Variants in SOX5 observed in about 807,000 individuals in gnomAD.
SOX5 encodes SRY-box transcription factor 5, also known as transcription factor SOX-5.
In SOX5, 9 loss-of-function variants were observed where a neutral mutation model predicts 92.0. That is an observed-to-expected ratio of 0.10 (90% CI 0.06 to 0.17). The LOEUF is 0.17. Among genes scored for constraint, SOX5 ranks in the 10% least tolerant of loss-of-function variants. The pLI, the probability that SOX5 is intolerant of heterozygous loss-of-function variation, is 1.00. For synonymous variants in SOX5, 344 were observed against 336.3 expected (o/e 1.02, Z -0.25); for missense variants, 642 against 944.5 (o/e 0.68, Z 4.20).
chr12:24,562,085 G>A (rs939613263), intron 1 of SOX5, among the ~76,000 whole-genome samples: 25 of 152,178 alleles, frequency 1.6e-4, no homozygotes, highest in African/African-American at 5.8e-4. Flanking sequence ...CCCCGGGGAT[G>A]ACAGGGCCAC....
At position 24,071,838 on chromosome 12, in the gene SOX5, G is replaced by C. The variant is rs897339693; in HGVS notation, c.-2+141505C>G. On this transcript the variant is annotated intron_variant, in intron 4 of 4. Coordinates refer to the SOX5 transcript ENST00000446891. ...GACGAAAAATGCTTGAGGAGGGGTA[G>C]ATTATGTTTTGAAAATGCTAGGCAA... Among the ~76,000 whole-genome samples the C allele has an allele frequency of 8.5e-5, 13 of 152,182 alleles. No individual in the cohort carries two copies. The East Asian group carries it at 1.2e-3, about 14-fold the overall frequency.
rs535759923 is a variant in SOX5 at position 24,213,963 on chromosome 12, T to TAA, written c.-76-548_-76-547dup. On this transcript the variant is annotated intron_variant, in intron 3 of 4. Transcript: ENST00000446891. ...TGATAGTTTAAAATATATATATATA[T>TAA]AATGTAATATTACTTAGAGCTACAA... is the stretch of plus-strand genomic sequence containing the variant. Among the ~76,000 whole-genome samples, 861 of 151,758 alleles carry TAA rather than the reference T, an allele frequency of 5.7e-3. 3 individuals carry two copies. The highest frequency in any genetic ancestry group is 0.01 in the Non-Finnish European group (690 of 67,868).
chr12:24,020,626 G>T (rs1315703732), intron 4 of SOX5, among the ~76,000 whole-genome samples: 3 of 152,098 alleles, frequency 2.0e-5, no homozygotes, highest in Non-Finnish European at 2.9e-5. Flanking sequence ...ATTAATTCGA[G>T]GCTCATGTTG....
At chr12:24,282,505 G>A (rs1050518008) in intron 2 of SOX5, among the ~76,000 whole-genome samples, 22 of 146,266 alleles carry the variant, frequency 1.5e-4, no homozygotes, top group African/African-American at 5.6e-4. Flanking sequence ...GGCACAAGAA[G>A]CAAGAAGCAT....
At chr12:23,864,441 ATAGGCCAAAAGC>A (rs756025849) in intron 2 of SOX5, among the ~76,000 whole-genome samples, 40 of 152,358 alleles carry the variant, frequency 2.6e-4, no homozygotes, top group Non-Finnish European at 3.4e-4. Context: ...GAAAGCAGAG[ATAGGCCAAAAGC>A]TAGGCCTCTT....
chr12:24,427,182 G>C (rs1464497844), intron 1 of SOX5, among the ~76,000 whole-genome samples: 3 of 152,098 alleles, frequency 2.0e-5, no homozygotes, highest in Non-Finnish European at 4.4e-5. Context: ...TCAAACCTTA[G>C]TTAGAGCAAT....
chr12:23,784,462 C>G (rs186586839), intron 3 of SOX5, among the ~76,000 whole-genome samples: 1 of 151,858 alleles, frequency 6.6e-6, no homozygotes, highest in Admixed American at 6.6e-5. Flanking sequence ...GAGTAGCTGG[C>G]ACTACAGGCA....
At chr12:23,635,012 T>A (rs1551981) in intron 8 of SOX5, among the ~76,000 whole-genome samples, 1 of 152,068 alleles carries the variant, frequency 6.6e-6, no homozygotes, top group South Asian at 2.1e-4. Context: ...AAACCATTGA[T>A]GCTACAGACT....
intron 1 of SOX5, among the ~76,000 whole-genome samples, chr12:23,910,565 C>A (rs570364572): frequency 8.3e-4 from 127 of 152,226 alleles, no homozygotes; most frequent in African/African-American, 2.9e-3. Flanking sequence ...AAGCAAAACA[C>A]AATAAATGCC....
rs535156890 is a variant in SOX5 at position 24,489,766 on chromosome 12, G to A, written c.-251+72563C>T. Among the ~76,000 whole-genome samples the A allele has an allele frequency of 7.2e-4, 110 of 152,270 alleles. 3 individuals carry two copies. The South Asian group carries it at 0.019, about 26-fold the overall frequency. On this transcript the variant is annotated intron_variant, in intron 1 of 4. Transcript: ENST00000446891. ...CATATTCCTGCCATCCCAAGGCAGG[G>A]CAGCAGCACATCCCTTATCAGCAAA...
intron 4 of SOX5, among the ~76,000 whole-genome samples, chr12:24,198,264 A>G: frequency 1.4e-5 from 2 of 144,394 alleles, no homozygotes; most frequent in South Asian, 2.4e-4. Context: ...GGGGTTGGGG[A>G]GGGGGAGGGA....
intron 3 of SOX5, among the ~76,000 whole-genome samples, chr12:23,783,944 A>C (rs1469457046): frequency 1.3e-5 from 2 of 152,322 alleles, no homozygotes; most frequent in African/African-American, 4.8e-5. Flanking sequence ...TATCACCTGG[A>C]GGATTGTTAT....
At chr12:23,878,814 T>C (rs1189196805) in intron 2 of SOX5, among the ~76,000 whole-genome samples, 1 of 152,078 alleles carries the variant, frequency 6.6e-6, no homozygotes, top group Non-Finnish European at 1.5e-5. Flanking sequence ...ATTAAAGAAC[T>C]CCTCAAAAAT....
chr12:24,125,097 T>C (rs950230438), intron 4 of SOX5, among the ~76,000 whole-genome samples: 3 of 152,202 alleles, frequency 2.0e-5, no homozygotes, highest in Non-Finnish European at 4.4e-5. Flanking sequence ...GTCAAAAATA[T>C]ATAAAAACCC....
chr12:23,963,837 C>A (rs1298451457), intron 4 of SOX5, among the ~76,000 whole-genome samples: 4 of 148,686 alleles, frequency 2.7e-5, no homozygotes, highest in Non-Finnish European at 4.5e-5. Context: ...GAGGTATATA[C>A]TATCTTAAAC....
chr12:24,231,570 A>C (rs1024020268), intron 3 of SOX5, among the ~76,000 whole-genome samples: 1 of 152,206 alleles, frequency 6.6e-6, no homozygotes, highest in South Asian at 2.1e-4. Flanking sequence ...TGAAAGATAC[A>C]CTGTCGGTTA....
chr12:23,981,049 G>A (rs1039342820), intron 4 of SOX5, among the ~76,000 whole-genome samples: 1 of 152,162 alleles, frequency 6.6e-6, no homozygotes, highest in Non-Finnish European at 1.5e-5. Context: ...TCTGAAGCTA[G>A]TCTGAAGCTA....
chr12:23,796,710 GA>G (rs1469932070), intron 3 of SOX5, among the ~76,000 whole-genome samples: 2 of 151,674 alleles, frequency 1.3e-5, no homozygotes, highest in African/African-American at 2.4e-5. Flanking sequence ...TCTAATGCAT[GA>G]AAAAAACTAA....
chr12:24,071,670 G>A (rs1319551777), intron 4 of SOX5, among the ~76,000 whole-genome samples: 1 of 152,044 alleles, frequency 6.6e-6, no homozygotes, highest in African/African-American at 2.4e-5. Context: ...TCCTGACCTC[G>A]TGATCCACCT....
Sources: gnomAD v4.1 joint callset for allele counts (sites outside exome capture counted in the v4.1 genomes callset) on GRCh38, gnomAD v4.1.1 for gene constraint, MANE v1.5 for transcripts, NCBI Gene and HGNC (gene_info 2026-07-23, HGNC 2026-07-21) for gene names.